KCND3: variants seen among roughly 807,000 people sequenced by gnomAD.
KCND3 encodes potassium voltage-gated channel subfamily D member 3.
KCND3 carries 9 observed loss-of-function variants against 51.1 expected under a neutral mutation model. The observed-to-expected ratio is 0.18, with a 90% CI of 0.11 to 0.31. The LOEUF (loss-of-function observed/expected upper bound fraction) is 0.31. Among genes scored for constraint, KCND3 ranks in the 10% least tolerant of loss-of-function variants. KCND3 has a pLI of 1.00. For synonymous variants in KCND3, 349 were observed against 368.0 expected (o/e 0.95, Z 0.59); for missense variants, 526 against 903.8 (o/e 0.58, Z 5.36).
In KCND3 at chr1:111,775,817, C is replaced by CGG; in HGVS notation, c.*259_*260insCC. 2 of 188,528 alleles carry CGG rather than the reference C, an allele frequency of 1.1e-5. No homozygotes were observed. The highest frequency in any genetic ancestry group is 2.2e-5 in the Non-Finnish European group (2 of 92,134). The allele number at this position is 188,528 out of a possible 1,614,324, so 11.7% of individuals were successfully genotyped here. A position where few individuals can be genotyped will look rare whatever the true frequency, so the allele number is the denominator to read the frequency against. ...TAGCCTATATCCCCCGGCCTATCCC[C>CGG]GACCCCCCCACCCTCCCTCCCTTCC... is the stretch of plus-strand genomic sequence containing the variant. On this transcript the variant is annotated 3_prime_UTR_variant, in exon 8 of 8. Transcript: ENST00000302127.
intron 2 of KCND3, among the ~76,000 whole-genome samples, chr1:111,917,260 T>A (rs2101829404): frequency 6.6e-6 from 1 of 152,192 alleles, no homozygotes; most frequent in Non-Finnish European, 1.5e-5. Flanking sequence ...GCTGGTACAA[T>A]AAGGCAAGAA....
intron 2 of KCND3, among the ~76,000 whole-genome samples, chr1:111,966,895 C>T (rs1466816983): frequency 2.6e-5 from 4 of 152,016 alleles, no homozygotes; most frequent in African/African-American, 9.7e-5. Context: ...AATCCCAGCA[C>T]TTTGGGAGGC....
intron 2 of KCND3, among the ~76,000 whole-genome samples, chr1:111,953,308 T>C (rs530287331): frequency 6.6e-6 from 1 of 152,268 alleles, no homozygotes; most frequent in Admixed American, 6.5e-5. Context: ...GAGTTACTGG[T>C]GTGCTGTGAG....
At chr1:111,816,673 T>A (rs76967791) in intron 2 of KCND3, among the ~76,000 whole-genome samples, 3 of 152,360 alleles carry the variant, frequency 2.0e-5, no homozygotes, top group African/African-American at 7.2e-5. Context: ...ATAGGTATTA[T>A]TGCCAACTGT....
At position 111,866,579 on chromosome 1, in the gene KCND3, AACACAC is replaced by A. The variant is rs771342858; in HGVS notation, c.1107-79479_1107-79474del. Among the ~76,000 whole-genome samples, 528 of 126,814 alleles carry A rather than the reference AACACAC, an allele frequency of 4.2e-3. 6 individuals carry two copies. The highest frequency in any genetic ancestry group is 5.7e-3 in the Non-Finnish European group (352 of 61,816). 83.2% of individuals were successfully genotyped at this position (126,814 alleles called of 152,430 possible). On this transcript the variant is annotated intron_variant, in intron 2 of 7. Coordinates refer to ENST00000302127, the MANE Select transcript of KCND3 (RefSeq NM_001378969.1). ...TGTGCCTGACCTGTTTGTTTCTTTAAACACACACACACACACACACACACACACACA... is the reference window on the plus strand; with the variant it reads ...TGTGCCTGACCTGTTTGTTTCTTTAAACACACACACACACACACACACACA...
In KCND3 at chr1:111,835,614, T is replaced by C. The variant is rs139831396; in HGVS notation, c.1107-48508A>G. 9.9e-3 allele frequency among the ~76,000 whole-genome samples: 1,508 copies of C among 152,326 alleles called. 29 individuals carry two copies. The highest frequency in any genetic ancestry group is 0.034 in the African/African-American group (1,414 of 41,566). On this transcript the variant is annotated intron_variant, in intron 2 of 7. Coordinates refer to ENST00000302127, the MANE Select transcript of KCND3 (RefSeq NM_001378969.1). ...TATATTCTAATTATAATCATTAGCA[T>C]ACTAAAAGACACTCCCACCAATGCC... is the stretch of plus-strand genomic sequence containing the variant.
intron 2 of KCND3, among the ~76,000 whole-genome samples, chr1:111,795,110 A>G (rs1358733254): frequency 6.6e-6 from 1 of 152,156 alleles, no homozygotes; most frequent in African/African-American, 2.4e-5. Context: ...CTTTAGCCCT[A>G]TGTTGTCAAG....
intron 2 of KCND3, among the ~76,000 whole-genome samples, chr1:111,919,573 C>G (rs974302878): frequency 1.3e-5 from 2 of 152,130 alleles, no homozygotes; most frequent in Non-Finnish European, 2.9e-5. Flanking sequence ...AGGGTCTCAT[C>G]GGATAAGGTC....
intron 2 of KCND3, among the ~76,000 whole-genome samples, chr1:111,855,840 T>A (rs1668040302): frequency 6.6e-6 from 1 of 152,142 alleles, no homozygotes; most frequent in African/African-American, 2.4e-5. Context: ...AAAGTGGCAC[T>A]GTCACCATCT....
intron 2 of KCND3, among the ~76,000 whole-genome samples, chr1:111,803,888 AT>A (rs1198634610): frequency 6.6e-6 from 1 of 152,204 alleles, no homozygotes; most frequent in Admixed American, 6.5e-5. Context: ...CATTTTGCGC[AT>A]GTGACAAACA....
chr1:111,776,170 T>C lies in KCND3; in HGVS notation c.1875A>G (p.Pro625=). 6.2e-7 allele frequency: 1 copy of C among 1,614,124 alleles called. No homozygotes were observed. The highest frequency in any genetic ancestry group is 8.5e-7 in the Non-Finnish European group (1 of 1,179,978). Residue 625 remains proline, a synonymous_variant, in exon 8 of 8, where the codon CCA becomes CCG. Coordinates refer to ENST00000302127, the MANE Select transcript of KCND3 (RefSeq NM_001378969.1). ...ISIPTPPALT[P]EGESRPPPAS... Reference sequence around the variant, plus strand: ...CAGGGGGTGGCCGACTTTCCCCCTCTGGGGTTAGCGCTGGGGGAGTGGGGA... The same window carrying C: ...CAGGGGGTGGCCGACTTTCCCCCTCCGGGGTTAGCGCTGGGGGAGTGGGGA...
intron 2 of KCND3, among the ~76,000 whole-genome samples, chr1:111,819,008 T>A (rs1666229176): frequency 6.6e-6 from 1 of 152,230 alleles, no homozygotes; most frequent in Non-Finnish European, 1.5e-5. Context: ...TTTATTAATT[T>A]ATTTAGAGAT....
chr1:111,974,417 G>C (rs1674519485), intron 2 of KCND3, among the ~76,000 whole-genome samples: 1 of 152,062 alleles, frequency 6.6e-6, no homozygotes, highest in African/African-American at 2.4e-5. Flanking sequence ...GAACACTTAA[G>C]GTATGAGTAT....
chr1:111,856,905 GC>G (rs1194582480), intron 2 of KCND3: 1 of 152,280 alleles, frequency 6.6e-6, no homozygotes, highest in South Asian at 2.1e-4. Flanking sequence ...AGAGAAACCA[GC>G]AGCTGCCTGT....
At chr1:111,895,135 AG>A (rs746465430) in intron 2 of KCND3, among the ~76,000 whole-genome samples, 8 of 121,168 alleles carry the variant, frequency 6.6e-5, no homozygotes, top group Non-Finnish European at 1.2e-4. Context: ...AGGAGGGAGA[AG>A]TGGGGAGGGA....
intron 2 of KCND3, among the ~76,000 whole-genome samples, chr1:111,788,514 G>A (rs1664702160): frequency 6.6e-6 from 1 of 152,224 alleles, no homozygotes; most frequent in Non-Finnish European, 1.5e-5. Context: ...ATGAATGAAT[G>A]ATCTCACTTA....
intron 2 of KCND3, among the ~76,000 whole-genome samples, chr1:111,897,980 C>T (rs755013890): frequency 6.6e-6 from 1 of 152,180 alleles, no homozygotes; most frequent in East Asian, 1.9e-4. Context: ...AACACGGTCT[C>T]TCTCCCTCTC....
intron 2 of KCND3, among the ~76,000 whole-genome samples, chr1:111,877,657 TG>T (rs1669108961): frequency 6.6e-6 from 1 of 152,216 alleles, no homozygotes; most frequent in African/African-American, 2.4e-5. Flanking sequence ...GGCGTCATAA[TG>T]GAGGATCTCA....
intron 2 of KCND3, among the ~76,000 whole-genome samples, chr1:111,840,004 C>T (rs2101638714): frequency 6.6e-6 from 1 of 152,298 alleles, no homozygotes; most frequent in South Asian, 2.1e-4. Flanking sequence ...AGTTCTGCAG[C>T]CTGGAAAGTC....
Sources: gnomAD v4.1 joint callset for allele counts (sites outside exome capture counted in the v4.1 genomes callset) on GRCh38, gnomAD v4.1.1 for gene constraint, MANE v1.5 for transcripts, NCBI Gene and HGNC (gene_info 2026-07-23, HGNC 2026-07-21) for gene names.